MRPL37: variants seen among roughly 807,000 people sequenced by gnomAD.
MRPL37 encodes the protein mitochondrial ribosomal protein L37.
A neutral mutation model predicts 44.1 loss-of-function variants in MRPL37; 34 were observed. That is an observed-to-expected ratio of 0.77 (90% CI 0.59 to 1.03). MRPL37 has a LOEUF of 1.03. MRPL37 is among the 50% of genes least tolerant of loss of function. The pLI is 0.00. For missense variants in MRPL37, 532 were observed against 543.7 expected (o/e 0.98, Z 0.21); for synonymous variants, 212 against 219.5 (o/e 0.97, Z 0.30).
intron 3 of MRPL37, among the ~76,000 whole-genome samples, chr1:54,209,044 C>T (rs941810494): frequency 1.1e-4 from 16 of 152,190 alleles, no homozygotes. Flanking sequence ...TAAGGCATTG[C>T]TTCTTTCAGG....
chr1:54,221,160 A>G (rs1644231123), downstream of MRPL37, among the ~76,000 whole-genome samples: 1 of 152,098 alleles, frequency 6.6e-6, no homozygotes, highest in African/African-American at 2.4e-5. Flanking sequence ...CTTAGAAGCC[A>G]GGTGGAAAGG....
At chr1:54,208,086 C>T (rs1644136795) in intron 3 of MRPL37, among the ~76,000 whole-genome samples, 1 of 152,198 alleles carries the variant, frequency 6.6e-6, no homozygotes, top group South Asian at 2.1e-4. Flanking sequence ...TTCACAATGG[C>T]TGGCTTGCTG....
At chr1:54,203,321 C>T (rs1029245195) in intron 1 of MRPL37, among the ~76,000 whole-genome samples, 6 of 152,008 alleles carry the variant, frequency 3.9e-5, no homozygotes, top group African/African-American at 9.7e-5. Flanking sequence ...GCTACGTATA[C>T]GCCATCTTTT....
intron 3 of MRPL37, among the ~76,000 whole-genome samples, chr1:54,209,369 C>T (rs998006703): frequency 1.3e-5 from 2 of 151,944 alleles, no homozygotes; most frequent in African/African-American, 2.4e-5. Flanking sequence ...TGTGATTAGG[C>T]TGATCAAGAA....
At chr1:54,207,052 C>T (rs976596850) in intron 3 of MRPL37, among the ~76,000 whole-genome samples, 23 of 152,116 alleles carry the variant, frequency 1.5e-4, no homozygotes, top group Admixed American at 9.8e-4. Context: ...GTGCTTGGCC[C>T]GCTGCTTTCT....
downstream of MRPL37, chr1:54,220,700 C>T (rs1347058021): frequency 6.4e-6 from 3 of 471,384 alleles, no homozygotes; most frequent in Admixed American, 7.0e-5. Flanking sequence ...TGCAGCGGAA[C>T]TTGAGGGCCT....
intron 3 of MRPL37, among the ~76,000 whole-genome samples, chr1:54,208,324 T>G (rs565270228): frequency 1.3e-5 from 2 of 151,992 alleles, no homozygotes; most frequent in Non-Finnish European, 2.9e-5. Flanking sequence ...GGGTGGATCA[T>G]GAGGTCAGGA....
At chr1:54,225,093 G>A (rs1557430145), downstream of MRPL37, 2 of 1,234,230 alleles carry the variant, frequency 1.6e-6, no homozygotes, top group East Asian at 3.2e-5. Flanking sequence ...AGAAAACAGA[G>A]GGCACCAGGA....
At chr1:54,221,863 C>A (rs548152604), downstream of MRPL37, among the ~76,000 whole-genome samples, 44 of 146,002 alleles carry the variant, frequency 3.0e-4, no homozygotes, top group African/African-American at 1.1e-3. Context: ...TACTGTGTAC[C>A]AGGTGTTGTG....
At chr1:54,222,374 C>G (rs560165516), downstream of MRPL37, among the ~76,000 whole-genome samples, 3 of 152,134 alleles carry the variant, frequency 2.0e-5, no homozygotes, top group Admixed American at 6.5e-5. Context: ...CAGACATCCA[C>G]AGAGTACTGC....
At chr1:54,205,476 C>G (rs1028489428) in intron 3 of MRPL37, 66 bp downstream of exon 3, 9 of 1,291,308 alleles carry the variant, frequency 7.0e-6, no homozygotes, top group Non-Finnish European at 1.0e-5. Flanking sequence ...TTAACCCCAC[C>G]ACCAGCTCCC....
At chr1:54,224,938 T>C (rs888977674), downstream of MRPL37, among the ~76,000 whole-genome samples, 6 of 145,310 alleles carry the variant, frequency 4.1e-5, no homozygotes, top group African/African-American at 1.6e-4. Context: ...CTTGGAGGTT[T>C]AGGAAAAAAA....
At chr1:54,201,385 T>A (rs1242044291) in intron 1 of MRPL37, among the ~76,000 whole-genome samples, 1 of 152,208 alleles carries the variant, frequency 6.6e-6, no homozygotes, top group East Asian at 1.9e-4. Flanking sequence ...TCAATTCCAT[T>A]CCTGAAAGCT....
At chr1:54,225,260 C>T (rs377472517), downstream of MRPL37, 34 of 1,234,168 alleles carry the variant, frequency 2.8e-5, no homozygotes, top group South Asian at 1.2e-4. Context: ...AAGGCCATCG[C>T]GACTCCACAA....
intron 6 of MRPL37, 113 bp from the exon 7 acceptor site, chr1:54,218,059 C>T (rs777253574): frequency 1.5e-5 from 15 of 981,862 alleles, no homozygotes; most frequent in Non-Finnish European, 2.0e-5. Flanking sequence ...GAGACGATGT[C>T]AGAAAAAGAA....
At chr1:54,225,403 C>G, downstream of MRPL37, 1 of 1,233,998 alleles carries the variant, frequency 8.1e-7, no homozygotes, top group Non-Finnish European at 1.0e-6. Context: ...AAACTCCAAC[C>G]CACATTCCCC....
At chr1:54,210,214 T>C in intron 4 of MRPL37, 83 bp downstream of exon 4, 1 of 1,414,604 alleles carries the variant, frequency 7.1e-7, no homozygotes. Context: ...TACTAAGAAC[T>C]TGCTAGGTGC....
Position 54,212,590 on chromosome 1 carries a change from C to G in MRPL37, c.922C>G (p.Gln308Glu). The G allele has an allele frequency of 1.2e-6, 2 of 1,614,252 alleles. No individual in the cohort carries two copies. Among genetic ancestry groups the G allele is most frequent in the South Asian group, 2.2e-5 (2 of 91,088 alleles). Residue 308 changes from glutamine (Q) to glutamate (E), a missense_variant, in exon 5 of 7, where the codon CAG (glutamine) becomes GAG (glutamate). By Grantham distance (29) the Gln-to-Glu change is conservative. Transcript: ENST00000360840. ...ACGACCACACCGCCTTCAACCAGAT[C>G]AGCTGCGGGCCAAGATGATCCTGTT... ...NLRPHRLQPD[Q>E]LRAKMILFAF...
At chr1:54,206,366 C>G (rs1238801218) in intron 3 of MRPL37, among the ~76,000 whole-genome samples, 1 of 151,770 alleles carries the variant, frequency 6.6e-6, no homozygotes, top group Non-Finnish European at 1.5e-5. Context: ...CCTGCCTCGG[C>G]CTCCCAAAGT....
Sources: allele counts gnomAD v4.1 joint callset (sites outside exome capture counted in the v4.1 genomes callset), GRCh38; gene constraint gnomAD v4.1.1; transcripts MANE v1.5; gene names NCBI Gene and HGNC (gene_info 2026-07-23, HGNC 2026-07-21).